HLCS: variants seen among roughly 807,000 people sequenced by gnomAD.
The protein encoded by HLCS is holocarboxylase synthetase.
A neutral mutation model predicts 75.0 loss-of-function variants in HLCS; 53 were observed. The observed-to-expected ratio is 0.71, with a 90% CI of 0.57 to 0.89. HLCS has a LOEUF of 0.89. Ranked by LOEUF, HLCS falls within the 40% of genes least tolerant of loss-of-function variation. The pLI, the probability that HLCS is intolerant of heterozygous loss-of-function variation, is 0.00. For missense variants in HLCS, 966 were observed against 1,074.0 expected, an observed-to-expected ratio of 0.90 and a Z score of 1.41; for synonymous variants, 431 against 428.6, an observed-to-expected ratio of 1.01 and a Z score of -0.07.
intron 5 of HLCS, among the ~76,000 whole-genome samples, chr21:36,908,147 G>A (rs1428479028): frequency 6.6e-6 from 1 of 151,942 alleles, no homozygotes; most frequent in African/African-American, 2.4e-5. Flanking sequence ...CATTCTGGGA[G>A]GCTGAGGCAA....
At chr21:36,982,021 T>C (rs147989190) in intron 1 of HLCS, among the ~76,000 whole-genome samples, 11 of 152,256 alleles carry the variant, frequency 7.2e-5, no homozygotes, top group Admixed American at 7.2e-4. Flanking sequence ...AGACATCCTA[T>C]CACTGCTGGG....
chr21:36,761,137 T>C (rs1291883975), intron 8 of HLCS, among the ~76,000 whole-genome samples: 1 of 152,332 alleles, frequency 6.6e-6, no homozygotes, highest in Non-Finnish European at 1.5e-5. Flanking sequence ...ACCCAGCCTA[T>C]GTGTTGGTGC....
intron 6 of HLCS, among the ~76,000 whole-genome samples, chr21:36,830,429 G>A (rs186353777): frequency 2.5e-4 from 38 of 152,276 alleles, no homozygotes; most frequent in African/African-American, 7.5e-4. Flanking sequence ...CAGAGATCCC[G>A]TGTTTCTTGT....
chr21:36,895,278 C>T (rs148992723), intron 6 of HLCS, among the ~76,000 whole-genome samples: 94 of 152,216 alleles, frequency 6.2e-4, no homozygotes, highest in Admixed American at 1.6e-3. Context: ...GTAACTATCG[C>T]GAGTTACCCC....
intron 5 of HLCS, among the ~76,000 whole-genome samples, chr21:36,917,628 G>A (rs951437878): frequency 2.0e-5 from 3 of 152,130 alleles, no homozygotes; most frequent in South Asian, 2.1e-4. Flanking sequence ...GGTGACTGGA[G>A]GCTGTGTAGT....
At chr21:36,920,576 T>C (rs1466710290) in intron 5 of HLCS, among the ~76,000 whole-genome samples, 1 of 152,170 alleles carries the variant, frequency 6.6e-6, no homozygotes, top group East Asian at 1.9e-4. Context: ...CCCCATTTTA[T>C]ATGATGTGAT....
At chr21:36,916,518 ATT>A (rs57613865) in intron 5 of HLCS, among the ~76,000 whole-genome samples, 1,877 of 92,890 alleles carry the variant, frequency 0.02, 15 homozygotes, top group African/African-American at 0.064. Context: ...TGCCTAGCTA[ATT>A]TTTTTTTTTT....
intron 6 of HLCS, among the ~76,000 whole-genome samples, chr21:36,858,355 G>C (rs773061699): frequency 2.4e-4 from 37 of 152,086 alleles, no homozygotes; most frequent in Non-Finnish European, 5.1e-4. Flanking sequence ...TGAAATTTCA[G>C]GATGGGACTC....
At chr21:36,859,065 C>T (rs2063297745) in intron 6 of HLCS, among the ~76,000 whole-genome samples, 1 of 152,182 alleles carries the variant, frequency 6.6e-6, no homozygotes, top group Non-Finnish European at 1.5e-5. Context: ...CTCTGTCGCC[C>T]AGGCTGGATT....
intron 1 of HLCS, among the ~76,000 whole-genome samples, chr21:36,988,155 T>C (rs1249891219): frequency 6.6e-6 from 1 of 152,188 alleles, no homozygotes; most frequent in African/African-American, 2.4e-5. Context: ...GATGTGTCAT[T>C]TCCTCTTAGA....
At position 36,753,248 on chromosome 21, in the gene HLCS, G is replaced by A. The variant is rs928233143; in HGVS notation, c.*998C>T. 9 of 152,562 alleles carry A rather than the reference G, an allele frequency of 5.9e-5. No individual in the cohort carries two copies. Among genetic ancestry groups the A allele is most frequent in the African/African-American group, 2.2e-4 (9 of 41,432 alleles). The allele number at this position is 152,562 out of a possible 1,614,324, so 9.5% of individuals were successfully genotyped here. ...ATAACATTTTCTTTCTTGGTAATAC[G>A]AGGTAAATGAGGGGGGCAAAAACTT... On this transcript the variant is annotated 3_prime_UTR_variant, in exon 11 of 11. Coordinates refer to ENST00000674895, the MANE Select transcript of HLCS (RefSeq NM_001352514.2). The surrounding 1 kb of genome is among the most constrained non-coding windows in gnomAD (Gnocchi z 4.3).
In HLCS at chr21:36,808,848, A is replaced by C. The variant is rs550880036; in HGVS notation, c.1893-41563T>G. On this transcript the variant is annotated intron_variant, in intron 6 of 10. Coordinates refer to ENST00000674895, the MANE Select transcript of HLCS (RefSeq NM_001352514.2). The stretch of plus-strand genomic sequence containing the variant: ...TACAGTGCAGGTCTGCTGGTGATAA[A>C]TTCTTTTTTCTTTTATCGAAAAATG... Among the ~76,000 whole-genome samples the C allele has an allele frequency of 2.0e-4, 31 of 152,314 alleles. No individual in the cohort carries two copies. The East Asian group carries it at 5.8e-3, about 28-fold the overall frequency.
At chr21:36,813,259 A>G (rs1319196815) in intron 6 of HLCS, among the ~76,000 whole-genome samples, 1 of 152,192 alleles carries the variant, frequency 6.6e-6, no homozygotes, top group Non-Finnish European at 1.5e-5. Context: ...CATGCAGCCA[A>G]ACAACTGGTG....
chr21:36,925,714 C>A (rs1033547478), intron 5 of HLCS, among the ~76,000 whole-genome samples: 2 of 152,174 alleles, frequency 1.3e-5, no homozygotes, highest in Non-Finnish European at 2.9e-5. Context: ...AGCTGCCCCT[C>A]CCAGTGAGAC....
chr21:36,887,556 T>C (rs949857022), intron 6 of HLCS, among the ~76,000 whole-genome samples: 4 of 152,174 alleles, frequency 2.6e-5, no homozygotes, highest in Non-Finnish European at 4.4e-5. Flanking sequence ...TATTCAGGTG[T>C]TGAATTGGAA....
chr21:36,865,502 C>T (rs1419837395), intron 6 of HLCS, among the ~76,000 whole-genome samples: 1 of 152,152 alleles, frequency 6.6e-6, no homozygotes, highest in Admixed American at 6.5e-5. Context: ...GTGGCTTGCC[C>T]CACACAAAGC....
chr21:36,908,253 G>A (rs1180769496), intron 5 of HLCS, among the ~76,000 whole-genome samples: 1 of 151,908 alleles, frequency 6.6e-6, no homozygotes, highest in African/African-American at 2.4e-5. Flanking sequence ...AGTCAAGAGT[G>A]GTCGTACACA....
intron 6 of HLCS, among the ~76,000 whole-genome samples, chr21:36,800,371 C>T (rs2061162427): frequency 2.6e-5 from 4 of 152,128 alleles, no homozygotes; most frequent in Admixed American, 2.6e-4. Context: ...GTCATTTGAA[C>T]AATCAGCTGA....
At chr21:36,779,364 A>G (rs534514043) in intron 6 of HLCS, among the ~76,000 whole-genome samples, 3 of 151,248 alleles carry the variant, frequency 2.0e-5, no homozygotes, top group South Asian at 4.2e-4. Flanking sequence ...TTCTTTCTCT[A>G]TCTAATCTAT....
Sources: gnomAD v4.1 joint callset for allele counts (sites outside exome capture counted in the v4.1 genomes callset) on GRCh38, gnomAD v4.1.1 for gene constraint, Gnocchi (gnomAD v3.1) non-coding constraint, MANE v1.5 for transcripts, NCBI Gene and HGNC (gene_info 2026-07-23, HGNC 2026-07-21) for gene names.